Variants in UTRN observed in about 807,000 individuals in gnomAD.
UTRN encodes the protein dystrophin-related protein 1.
UTRN carries 283 observed loss-of-function variants against 463.9 expected under a neutral mutation model. The ratio of observed to expected loss-of-function variants is 0.61; its 90% CI spans 0.55 to 0.67. UTRN has a LOEUF of 0.67. UTRN is among the 30% of genes least tolerant of loss of function. The pLI, the probability that UTRN is intolerant of heterozygous loss-of-function variation, is 0.00. For missense variants in UTRN, 3,922 were observed against 4,084.3 expected, an observed-to-expected ratio of 0.96 and a Z score of 1.08; for synonymous variants, 1,442 against 1,431.5, an observed-to-expected ratio of 1.01 and a Z score of -0.17.
chr6:144,457,071 T>C (rs1300809022), intron 19 of UTRN, among the ~76,000 whole-genome samples: 5 of 152,214 alleles, frequency 3.3e-5, no homozygotes, highest in Non-Finnish European at 4.4e-5. Flanking sequence ...TTTATAGAAA[T>C]AGAAAATTTT....
intron 65 of UTRN, among the ~76,000 whole-genome samples, chr6:144,804,752 G>A (rs967908864): frequency 6.6e-6 from 1 of 152,108 alleles, no homozygotes; most frequent in Admixed American, 6.5e-5. Flanking sequence ...TCAAAGAAAT[G>A]GTTTTCAGAT....
rs1382598427 is a variant in UTRN at position 144,556,899 on chromosome 6, A to G, written c.7135-258A>G. Among the ~76,000 whole-genome samples the G allele has an allele frequency of 4.6e-5, 7 of 152,330 alleles. No individual in the cohort carries two copies. In the South Asian group the frequency reaches 1.4e-3, roughly 32 times the overall value. ...AAGACAAATGGTTTGAGGAAGGAAA[A>G]TATCTCAAAAAGAAAATGATAATAA... On this transcript the variant is annotated intron_variant, in intron 49 of 74. Coordinates refer to ENST00000367545, the MANE Select transcript of UTRN (RefSeq NM_007124.3).
intron 3 of UTRN, among the ~76,000 whole-genome samples, chr6:144,406,918 C>T (rs902536045): frequency 1.3e-5 from 2 of 152,144 alleles, no homozygotes; most frequent in African/African-American, 4.8e-5. Context: ...CCTCATTTTG[C>T]TCCAGCCACA....
chr6:144,507,043 G>T (rs557290957), intron 34 of UTRN, among the ~76,000 whole-genome samples: 3 of 151,382 alleles, frequency 2.0e-5, no homozygotes, highest in Non-Finnish European at 4.4e-5. Context: ...GCTTTCTTCC[G>T]CTTGATCGAT....
chr6:144,305,248 G>T (rs1490567360), intron 2 of UTRN, among the ~76,000 whole-genome samples: 1 of 152,158 alleles, frequency 6.6e-6, no homozygotes, highest in Non-Finnish European at 1.5e-5. Context: ...ACAAAAATCA[G>T]GTTGCACAAT....
At chr6:144,632,627 T>C (rs527906240) in intron 51 of UTRN, among the ~76,000 whole-genome samples, 1 of 152,318 alleles carries the variant, frequency 6.6e-6, no homozygotes, top group African/African-American at 2.4e-5. Flanking sequence ...TATTTAATTT[T>C]TACATCTTAA....
chr6:144,700,191 T>C lies in UTRN; in HGVS notation c.7757T>C (p.Met2586Thr). Residue 2586 changes from methionine to threonine, a missense_variant, in exon 53 of 75, where the codon ATG (methionine) becomes ACG (threonine). Coordinates refer to ENST00000367545, the MANE Select transcript of UTRN (RefSeq NM_007124.3). ...NMKDEELKKQMPIGGDVPALQ... is the reference protein window; with the variant it reads ...NMKDEELKKQTPIGGDVPALQ... ...AAAGATGAAGAGCTTAAGAAACAAATGCCTATTGGAGGAGATGTTCCAGCC... is the reference window on the plus strand; with the variant it reads ...AAAGATGAAGAGCTTAAGAAACAAACGCCTATTGGAGGAGATGTTCCAGCC... The C allele has an allele frequency of 6.2e-7, 1 of 1,613,596 alleles. No homozygotes were observed. The highest frequency in any genetic ancestry group is 8.5e-7 in the Non-Finnish European group (1 of 1,179,712).
chr6:144,511,080 G>T lies in UTRN; in HGVS notation c.4901G>T (p.Ser1634Ile). Reference protein sequence around the residue: ...ERLCVLNAGWSRVRTWTEDWC... With the variant: ...ERLCVLNAGWIRVRTWTEDWC... ...CTCTGCGTCCTTAACGCTGGGTGGA[G>T]CCGAGTTCGTACCTGGACTGAAGAT... is the stretch of plus-strand genomic sequence containing the variant. Residue 1634 changes from serine (S) to isoleucine (I), a missense_variant, in exon 35 of 75, where the codon AGC becomes ATC. Ser to Ile is a moderately radical substitution (Grantham distance 142). Coordinates refer to ENST00000367545, the MANE Select transcript of UTRN (RefSeq NM_007124.3). 1 of 1,609,838 alleles carries T rather than the reference G, an allele frequency of 6.2e-7. No homozygotes were observed. The highest frequency in any genetic ancestry group is 8.5e-7 in the Non-Finnish European group (1 of 1,177,330).
At chr6:144,655,745 G>A (rs1437422586) in intron 51 of UTRN, among the ~76,000 whole-genome samples, 1 of 152,142 alleles carries the variant, frequency 6.6e-6, no homozygotes, top group Non-Finnish European at 1.5e-5. Context: ...AGTGGGAAGG[G>A]TGCCTTAAGA....
At position 144,462,729 on chromosome 6, in the gene UTRN, A is replaced by ATTT; in HGVS notation, c.2929_2930insTTT (p.Asn977delinsIleTyr). 4 of 1,611,594 alleles carry ATTT rather than the reference A, an allele frequency of 2.5e-6. No homozygotes were observed. The highest frequency in any genetic ancestry group is 3.4e-6 in the Non-Finnish European group (4 of 1,179,462). On this transcript the variant is annotated protein_altering_variant, in exon 23 of 75. Transcript: ENST00000367545. ...AGAAGAAACAAAGGCTCTGGAGAAAAATGTTCATCCTGATGTAGAAAAATT... is the reference window on the plus strand; with the variant it reads ...AGAAGAAACAAAGGCTCTGGAGAAAATTTATGTTCATCCTGATGTAGAAAAATT...
At chr6:144,470,157 C>G (rs13033592) in intron 23 of UTRN, among the ~76,000 whole-genome samples, 2 of 152,362 alleles carry the variant, frequency 1.3e-5, no homozygotes, top group African/African-American at 2.4e-5. Flanking sequence ...ACACTTCCCC[C>G]CCTTCTATTC....
chr6:144,819,952 G>A (rs117410039), intron 65 of UTRN, among the ~76,000 whole-genome samples: 1,996 of 147,986 alleles, frequency 0.013, 22 homozygotes, highest in Non-Finnish European at 0.021. Flanking sequence ...CTAAGAGGAG[G>A]GAGTGAGGTA....
chr6:144,525,529 C>G (rs1796493567), intron 41 of UTRN, among the ~76,000 whole-genome samples: 1 of 152,066 alleles, frequency 6.6e-6, no homozygotes, highest in African/African-American at 2.4e-5. Flanking sequence ...GTTGTAATAT[C>G]ACCCATTTTG....
chr6:144,514,614 T>C lies in UTRN; in HGVS notation c.5074-36T>C, dbSNP rs767098058. The C allele has an allele frequency of 2.5e-6, 4 of 1,605,158 alleles. No homozygotes were observed. The Admixed American group carries it at 6.8e-5, about 27-fold the overall frequency. The stretch of plus-strand genomic sequence containing the variant: ...TCACACTCATGTTTGGGTTTGATTT[T>C]TCCCATGAGATAATTTTGTGTTTTC... On this transcript the variant is annotated intron_variant, in intron 36 of 74. Coordinates refer to ENST00000367545, the MANE Select transcript of UTRN (RefSeq NM_007124.3).
Position 144,285,357 on chromosome 6 carries a change from C to T in UTRN, c.-557C>T, listed in dbSNP as rs192229608. ...GTCGTTTTTCCTCGGAGCAGGGAAG[C>T]GGGCAGCAGCAGCCGGCCGCGGGCT... On this transcript the variant is annotated 5_prime_UTR_variant, in exon 1 of 75. Coordinates refer to ENST00000367545, the MANE Select transcript of UTRN (RefSeq NM_007124.3). Among the ~76,000 whole-genome samples, 518 of 152,356 alleles carry T rather than the reference C, an allele frequency of 3.4e-3. 2 individuals carry two copies. The highest frequency in any genetic ancestry group is 0.013 in the South Asian group (64 of 4,834).
At chr6:144,669,300 AAACTT>A (rs1484350004) in intron 51 of UTRN, among the ~76,000 whole-genome samples, 1 of 152,194 alleles carries the variant, frequency 6.6e-6, no homozygotes, top group African/African-American at 2.4e-5. Flanking sequence ...GATGAAAACT[AAACTT>A]ATCTGTAATC....
At chr6:144,363,065 A>T (rs1288640133) in intron 2 of UTRN, among the ~76,000 whole-genome samples, 2 of 152,226 alleles carry the variant, frequency 1.3e-5, no homozygotes, top group Admixed American at 6.5e-5. Context: ...CTCAGTACAT[A>T]GCACTTTTAA....
intron 64 of UTRN, among the ~76,000 whole-genome samples, chr6:144,800,747 A>G (rs564691144): frequency 1.3e-5 from 2 of 151,814 alleles, no homozygotes; most frequent in Non-Finnish European, 2.9e-5. Flanking sequence ...TACCAATAAC[A>G]TCATTAGTGT....
In UTRN at chr6:144,462,644, C is replaced by T. The variant is rs764302073; in HGVS notation, c.2854-10C>T. On this transcript the variant is annotated splice_polypyrimidine_tract_variant and intron_variant, in intron 22 of 74. Transcript: ENST00000367545. The stretch of plus-strand genomic sequence containing the variant: ...TGTGCATATTTTTAATCTTTTAAAA[C>T]TTTTTCCAGACCCTTGATGAAATCC... 2 of 1,590,806 alleles carry T rather than the reference C, an allele frequency of 1.3e-6. No individual in the cohort carries two copies. Among genetic ancestry groups the T allele is most frequent in the African/African-American group, 1.4e-5 (1 of 73,308 alleles).
Sources: gnomAD v4.1 joint callset for allele counts (sites outside exome capture counted in the v4.1 genomes callset) on GRCh38, gnomAD v4.1.1 for gene constraint, MANE v1.5 for transcripts, NCBI Gene and HGNC (gene_info 2026-07-23, HGNC 2026-07-21) for gene names.